The following SYN3 variants were observed in gnomAD, a reference collection of about 807,000 sequenced individuals.
The protein encoded by SYN3 is synapsin-3.
Under a neutral mutation model 65.8 loss-of-function variants are expected in SYN3, and 35 were observed. The observed-to-expected ratio is 0.53, with a 90% CI of 0.41 to 0.70. The LOEUF (loss-of-function observed/expected upper bound fraction) is 0.70. Among genes scored for constraint, SYN3 ranks in the 30% least tolerant of loss-of-function variants. The pLI is 0.00. For missense variants in SYN3, 680 were observed against 749.0 expected, an observed-to-expected ratio of 0.91 and a Z score of 1.08; for synonymous variants, 270 against 292.9, an observed-to-expected ratio of 0.92 and a Z score of 0.80.
At chr22:32,697,510 T>C (rs2060752675) in intron 6 of SYN3, among the ~76,000 whole-genome samples, 1 of 152,208 alleles carries the variant, frequency 6.6e-6, no homozygotes, top group East Asian at 1.9e-4. Flanking sequence ...CAAATGTACA[T>C]AATGTAATGC....
chr22:32,930,428 C>G (rs1335363343), intron 4 of SYN3, among the ~76,000 whole-genome samples: 1 of 152,156 alleles, frequency 6.6e-6, no homozygotes, highest in African/African-American at 2.4e-5. Context: ...GTCCAGTAAG[C>G]CTCTTTTTCT....
chr22:32,553,744 A>G (rs2058450110), intron 7 of SYN3, among the ~76,000 whole-genome samples: 1 of 152,174 alleles, frequency 6.6e-6, no homozygotes, highest in Non-Finnish European at 1.5e-5. Flanking sequence ...AGTCTATGGG[A>G]CACCCAGTGA....
chr22:32,528,574 G>A (rs373549974), intron 11 of SYN3, among the ~76,000 whole-genome samples: 2 of 152,222 alleles, frequency 1.3e-5, no homozygotes, highest in African/African-American at 4.8e-5. Flanking sequence ...AGCACCGAGG[G>A]CACAGAAGGG....
intron 6 of SYN3, among the ~76,000 whole-genome samples, chr22:32,703,228 T>A (rs1166879261): frequency 6.6e-6 from 1 of 152,220 alleles, no homozygotes; most frequent in African/African-American, 2.4e-5. Context: ...GGGTTCAAAA[T>A]TAATAAATAA....
intron 6 of SYN3, among the ~76,000 whole-genome samples, chr22:32,777,268 C>A (rs1482063630): frequency 6.6e-6 from 1 of 152,180 alleles, no homozygotes; most frequent in East Asian, 1.9e-4. Context: ...GTATTCCCAG[C>A]TCCCCATTCA....
At chr22:33,052,947 G>C (rs140768272) in intron 1 of SYN3, among the ~76,000 whole-genome samples, 25 of 152,320 alleles carry the variant, frequency 1.6e-4, no homozygotes, top group African/African-American at 5.8e-4. Context: ...AGCATGGATA[G>C]CTGTATTATA....
chr22:32,688,536 C>G (rs1225728351), intron 6 of SYN3, among the ~76,000 whole-genome samples: 2 of 152,112 alleles, frequency 1.3e-5, no homozygotes, highest in African/African-American at 4.8e-5. Flanking sequence ...TAATGACCTG[C>G]TTTCAATCCC....
intron 6 of SYN3, among the ~76,000 whole-genome samples, chr22:32,703,497 C>T (rs1460043076): frequency 2.6e-5 from 4 of 152,002 alleles, no homozygotes; most frequent in African/African-American, 9.7e-5. Context: ...ATTAGCTTGG[C>T]GTGGTAGCGG....
At chr22:32,858,073 G>C in intron 6 of SYN3, 1 of 1,614,158 alleles carries the variant, frequency 6.2e-7, no homozygotes, top group Non-Finnish European at 8.5e-7. Context: ...GGAGAGGTGG[G>C]ACCAGCTCAC....
intron 6 of SYN3, among the ~76,000 whole-genome samples, chr22:32,633,828 T>G (rs1224285891): frequency 6.6e-6 from 1 of 151,950 alleles, no homozygotes; most frequent in Non-Finnish European, 1.5e-5. Flanking sequence ...TTTTGCCATG[T>G]TGCCCAGGCT....
intron 7 of SYN3, among the ~76,000 whole-genome samples, chr22:32,562,173 A>G (rs898450398): frequency 7.2e-5 from 11 of 152,188 alleles, no homozygotes; most frequent in Non-Finnish European, 1.3e-4. Context: ...CACATATTCA[A>G]TGGTTCGTCA....
chr22:32,904,210 C>A (rs191794671), intron 4 of SYN3, among the ~76,000 whole-genome samples: 3 of 152,312 alleles, frequency 2.0e-5, no homozygotes, highest in East Asian at 3.9e-4. Flanking sequence ...TCCCAGCAGG[C>A]CTTGTGGTTG....
In SYN3 at chr22:32,990,891, T is replaced by C. The variant is rs971148056; in HGVS notation, c.312-10189A>G. Reference sequence around the variant, plus strand: ...AGCGAAAACCCATCTCTACTAAAAATGCAAAAAAAATTGGCTGGGCGCAGT... The same window carrying C: ...AGCGAAAACCCATCTCTACTAAAAACGCAAAAAAAATTGGCTGGGCGCAGT... On this transcript the variant is annotated intron_variant, in intron 2 of 13. Coordinates refer to ENST00000358763, the MANE Select transcript of SYN3 (RefSeq NM_003490.4). Among the ~76,000 whole-genome samples the C allele has an allele frequency of 4.0e-5, 6 of 151,586 alleles. 1 individual carries two copies. The highest frequency in any genetic ancestry group is 1.9e-4 in the East Asian group (1 of 5,148).
At chr22:32,843,247 G>C (rs778539978) in intron 6 of SYN3, among the ~76,000 whole-genome samples, 10 of 152,226 alleles carry the variant, frequency 6.6e-5, no homozygotes, top group Admixed American at 2.0e-4. Flanking sequence ...GCACCTAAGA[G>C]GCATTCGATA....
intron 4 of SYN3, among the ~76,000 whole-genome samples, chr22:32,885,582 A>C (rs1198887033): frequency 1.3e-5 from 2 of 149,676 alleles, no homozygotes; most frequent in African/African-American, 2.5e-5. Context: ...TTTTTTTGAG[A>C]TAGAGTCTCG....
At position 32,572,813 on chromosome 22, in the gene SYN3, C is replaced by A. The variant is rs541904413; in HGVS notation, c.774+23861G>T. 2.6e-5 allele frequency among the ~76,000 whole-genome samples: 4 copies of A among 152,298 alleles called. No individual in the cohort carries two copies. In the East Asian group the frequency reaches 5.8e-4, roughly 22 times the overall value. ...GCAACTCCAGCTCGTGTCTTCCACT[C>A]CTCTGTTCCCCATCTCACTCTCACT... On this transcript the variant is annotated intron_variant, in intron 7 of 13. Coordinates refer to ENST00000358763, the MANE Select transcript of SYN3 (RefSeq NM_003490.4).
chr22:32,881,695 G>A (rs748976933), intron 4 of SYN3, among the ~76,000 whole-genome samples: 1 of 152,212 alleles, frequency 6.6e-6, no homozygotes, highest in Non-Finnish European at 1.5e-5. Context: ...AGGGGCAAGA[G>A]TGGGTGAGCT....
rs373169212 is a variant in SYN3 at position 33,006,516 on chromosome 22, A to C, written c.147T>G (p.Ala49=). Residue 49 remains alanine, a synonymous_variant, in exon 2 of 14, where the codon GCT becomes GCG. Transcript: ENST00000358763. ...TGGATCCTGGAGAGGAGAAGGAGGC[A>C]GCCAGGGGCTGGGGGTGCCTCCTCT... The part of the protein sequence containing the change: ...AMERRHPQPL[A]ASFSSPGSSL... The C allele has an allele frequency of 3.1e-6, 5 of 1,614,108 alleles. No individual in the cohort carries two copies. The African/African-American group carries it at 6.7e-5, about 22-fold the overall frequency.
chr22:32,634,492 G>C (rs912803621), intron 6 of SYN3, among the ~76,000 whole-genome samples: 1 of 152,214 alleles, frequency 6.6e-6, no homozygotes, highest in Non-Finnish European at 1.5e-5. Flanking sequence ...CCGTGAAAAG[G>C]ATTCTCAGTT....
Sources: gnomAD v4.1 joint callset for allele counts (sites outside exome capture counted in the v4.1 genomes callset) on GRCh38, gnomAD v4.1.1 for gene constraint, MANE v1.5 for transcripts, NCBI Gene and HGNC (gene_info 2026-07-23, HGNC 2026-07-21) for gene names.